The following MAGIX variants were observed in gnomAD, a reference collection of about 807,000 sequenced individuals.
The protein encoded by MAGIX is MAGI family member, X-linked.
MAGIX carries 13 observed loss-of-function variants against 10.0 expected under a neutral mutation model. The ratio of observed to expected loss-of-function variants is 1.30; its 90% CI spans 0.84 to 2.06. The LOEUF (loss-of-function observed/expected upper bound fraction) is 2.06. Among genes scored for constraint, MAGIX ranks in the 30% most tolerant of loss-of-function variants. MAGIX has a pLI of 0.00. For synonymous variants in MAGIX, 108 were observed against 106.8 expected (o/e 1.01, Z -0.07); for missense variants, 235 against 245.2 (o/e 0.96, Z 0.28).
rs2065354854 is a variant in MAGIX, at chrX:49,164,882, G to A, written c.122G>A (p.Cys41Tyr). Residue 41 changes from cysteine (C) to tyrosine (Y), a missense_variant, in exon 3 of 5, where the codon TGT (cysteine) becomes TAT (tyrosine). Cys to Tyr is a radical substitution (Grantham distance 194, BLOSUM62 -2). Coordinates refer to ENST00000616266, the Ensembl canonical transcript of MAGIX. ...TTCCAGCACCGTTGGTTAGAGACAT[G>A]TAACGCACCTCCCCAATTGATCCAG... 2.5e-6 allele frequency: 3 copies of A among 1,211,983 alleles called. No homozygotes were observed. The East Asian group carries it at 8.9e-5, about 36-fold the overall frequency.
chrX:49,163,947 G>T lies in MAGIX; in HGVS notation c.-55+18G>T. 1 of 1,008,986 alleles carries T rather than the reference G, an allele frequency of 9.9e-7. No homozygotes were observed. 83.2% of individuals were successfully genotyped at this position (1,008,986 alleles called of 1,213,427 possible). On this transcript the variant is annotated intron_variant, in intron 2 of 4. Coordinates refer to ENST00000616266, the Ensembl canonical transcript of MAGIX. ...GAAGGAGGGTGAGTGACTGGCGCAG[G>T]GCCTCCGCTGGGGGAGGGTTCGGAG...
chrX:49,167,815 A>G, exon 5 of MAGIX: 1 of 112,244 alleles, frequency 8.9e-6, no homozygotes, highest in Non-Finnish European at 1.9e-5. Flanking sequence ...CCCAGCCACC[A>G]TGTACTTAGT....
exon 5 of MAGIX, chrX:49,166,455 G>C: frequency 4.0e-6 from 4 of 1,012,306 alleles, no homozygotes; most frequent in Non-Finnish European, 5.2e-6. Context: ...GATCCGGCGC[G>C]TGTGGCCGCT....
intron 2 of MAGIX, 31 bp downstream of exon 2, chrX:49,163,960 G>A: frequency 2.0e-6 from 2 of 1,003,233 alleles, no homozygotes; most frequent in Non-Finnish European, 2.5e-6. Context: ...CTCCGCTGGG[G>A]GAGGGTTCGG....
chrX:49,168,189 G>T (rs782215749), exon 5 of MAGIX: 8 of 111,982 alleles, frequency 7.1e-5, no homozygotes, highest in Admixed American at 1.9e-4. Flanking sequence ...TAAAAAACCA[G>T]GCCAGGCGTG....
At chrX:49,162,897 C>T (rs1557096536) in intron 1 of MAGIX, 3 of 898,144 alleles carry the variant, frequency 3.3e-6, no homozygotes, top group Non-Finnish European at 4.4e-6. Flanking sequence ...GCCATGGAGC[C>T]GCGCACAGGG....
At chrX:49,166,407 T>G in exon 5 of MAGIX, 1 of 1,112,971 alleles carries the variant, frequency 9.0e-7, no homozygotes, top group Non-Finnish European at 1.2e-6. Flanking sequence ...TGAGCCTACC[T>G]CTGACAGCGC....
chrX:49,164,534 G>C (rs979377057), intron 2 of MAGIX, 173 bp from the exon 3 acceptor site: 1 of 505,139 alleles, frequency 2.0e-6, no homozygotes, highest in Non-Finnish European at 3.5e-6. Flanking sequence ...TGTTTGGGCT[G>C]AGAACCTTTA....
At chrX:49,163,886 G>A in exon 2 of MAGIX, 50 of 1,032,906 alleles carry the variant, frequency 4.8e-5, no homozygotes, top group Non-Finnish European at 6.2e-5. Context: ...TGGCAGCGCT[G>A]GTACGCAGGG....
chrX:49,165,058 G>A (rs1169355411), exon 3 of MAGIX: 3 of 1,209,333 alleles, frequency 2.5e-6, no homozygotes, highest in South Asian at 3.5e-5. Flanking sequence ...GCTGCTGAAG[G>A]ATGGCCCAGC....
intron 4 of MAGIX, 21 bp downstream of exon 5, chrX:49,165,382 A>G (rs1183150762): frequency 2.4e-5 from 27 of 1,128,757 alleles, no homozygotes; most frequent in Non-Finnish European, 3.2e-5. Context: ...CAAGGGAGAG[A>G]AGTCAGAGAT....
Sources: allele counts gnomAD v4.1 joint callset, GRCh38; gene constraint gnomAD v4.1.1; transcripts MANE v1.5; gene names NCBI Gene and HGNC (gene_info 2026-07-23, HGNC 2026-07-21).